GRID1: variants seen among roughly 807,000 people sequenced by gnomAD.
The protein encoded by GRID1 is glutamate ionotropic receptor delta type subunit 1, also known as glutamate receptor ionotropic, delta-1.
Under a neutral mutation model 98.0 loss-of-function variants are expected in GRID1, and 28 were observed. The observed-to-expected ratio is 0.29, with a 90% CI of 0.21 to 0.39. GRID1 has a LOEUF of 0.39. Among genes scored for constraint, GRID1 ranks in the 10% least tolerant of loss-of-function variants. The pLI is 1.00. For synonymous variants in GRID1, 553 were observed against 538.5 expected (o/e 1.03, Z -0.37); for missense variants, 1,111 against 1,340.5 (o/e 0.83, Z 2.67).
intron 12 of GRID1, among the ~76,000 whole-genome samples, chr10:85,721,039 A>G (rs182547342): frequency 1.1e-4 from 16 of 152,340 alleles, no homozygotes; most frequent in Admixed American, 1.0e-3. Flanking sequence ...GAAAAGATAA[A>G]AACAGATATT....
chr10:85,852,124 T>C (rs1843064294), intron 8 of GRID1, among the ~76,000 whole-genome samples: 1 of 152,058 alleles, frequency 6.6e-6, no homozygotes, highest in South Asian at 2.1e-4. Flanking sequence ...TAAATCCCAC[T>C]CCCTGCTTTC....
chr10:85,705,758 C>T lies in GRID1; in HGVS notation c.1997+17245G>A, dbSNP rs149874199. ...GCAGCACATCAAAAAGCTTACCCACCATGAGCCACCACTTGGGCTTCATCC... is the reference window on the plus strand; with the variant it reads ...GCAGCACATCAAAAAGCTTACCCACTATGAGCCACCACTTGGGCTTCATCC... On this transcript the variant is annotated intron_variant, in intron 12 of 15. Transcript: ENST00000327946. 2.3e-3 allele frequency among the ~76,000 whole-genome samples: 343 copies of T among 152,230 alleles called. 1 individual carries two copies. The highest frequency in any genetic ancestry group is 8.0e-3 in the African/African-American group (333 of 41,538).
chr10:85,748,597 A>G (rs889127089), intron 8 of GRID1, among the ~76,000 whole-genome samples: 1 of 152,216 alleles, frequency 6.6e-6, no homozygotes, highest in Admixed American at 6.5e-5. Flanking sequence ...AAGCTAATTA[A>G]CCCTTTTTAG....
intron 4 of GRID1, among the ~76,000 whole-genome samples, chr10:85,955,217 A>C (rs1842173771): frequency 6.6e-6 from 1 of 152,132 alleles, no homozygotes; most frequent in Admixed American, 6.5e-5. Flanking sequence ...ACTCAGTAGA[A>C]ACTGAGACAA....
At chr10:85,940,980 C>A (rs991012173) in intron 4 of GRID1, among the ~76,000 whole-genome samples, 2 of 152,218 alleles carry the variant, frequency 1.3e-5, no homozygotes, top group Admixed American at 1.3e-4. Flanking sequence ...AAGAACCATT[C>A]TGCTTGGGGA....
At chr10:86,045,392 T>G (rs1402774900) in intron 4 of GRID1, among the ~76,000 whole-genome samples, 3 of 152,190 alleles carry the variant, frequency 2.0e-5, no homozygotes, top group African/African-American at 7.2e-5. Flanking sequence ...AAAATGGACA[T>G]ACAATGTGTC....
intron 8 of GRID1, among the ~76,000 whole-genome samples, chr10:85,781,239 A>C (rs1440060493): frequency 2.6e-5 from 4 of 152,228 alleles, no homozygotes; most frequent in African/African-American, 9.6e-5. Flanking sequence ...TATCAAATTA[A>C]GGATAATTTT....
chr10:86,061,793 T>C lies in GRID1; in HGVS notation c.726+77026A>G, dbSNP rs535817051. Among the ~76,000 whole-genome samples, 322 of 152,292 alleles carry C rather than the reference T, an allele frequency of 2.1e-3. 1 individual carries two copies. Among genetic ancestry groups the C allele is most frequent in the Middle Eastern group, 0.01 (3 of 294 alleles). On this transcript the variant is annotated intron_variant, in intron 4 of 15. Transcript: ENST00000327946. ...CCATTCCCCAAAGGCCAGATTCACC[T>C]CTCTATGTCACGAGCCTGTTCAACC...
At chr10:86,054,086 C>A (rs74631742) in intron 4 of GRID1, among the ~76,000 whole-genome samples, 10,786 of 152,196 alleles carry the variant, frequency 0.071, 446 homozygotes, top group African/African-American at 0.11. Context: ...CTCCAAAAAG[C>A]CACTTAACTC....
intron 2 of GRID1, among the ~76,000 whole-genome samples, chr10:86,221,960 G>A (rs1846261387): frequency 6.6e-6 from 1 of 152,062 alleles, no homozygotes; most frequent in Admixed American, 6.5e-5. Context: ...GGGGTGGGAG[G>A]CAGCAGGAAC....
chr10:86,077,804 T>A (rs1443470205), intron 4 of GRID1, among the ~76,000 whole-genome samples: 1 of 152,000 alleles, frequency 6.6e-6, no homozygotes, highest in Non-Finnish European at 1.5e-5. Flanking sequence ...AAATCATGGA[T>A]GGGAAAAAAA....
chr10:85,664,898 T>G (rs543476866), intron 12 of GRID1, among the ~76,000 whole-genome samples: 1 of 152,252 alleles, frequency 6.6e-6, no homozygotes, highest in East Asian at 1.9e-4. Flanking sequence ...TCATAAGCAA[T>G]CAGAACTTAA....
intron 8 of GRID1, among the ~76,000 whole-genome samples, chr10:85,739,592 A>C (rs1449053544): frequency 1.3e-5 from 2 of 152,062 alleles, no homozygotes; most frequent in Non-Finnish European, 2.9e-5. Context: ...CTCAACTCAA[A>C]ACAAAACAAA....
At chr10:85,698,873 T>C (rs148547497) in intron 12 of GRID1, among the ~76,000 whole-genome samples, 90 of 152,318 alleles carry the variant, frequency 5.9e-4, no homozygotes, top group African/African-American at 2.1e-3. Context: ...TCCACTGTTG[T>C]TTTAATTTGC....
chr10:86,218,500 G>A (rs1846207876), intron 2 of GRID1, among the ~76,000 whole-genome samples: 2 of 152,140 alleles, frequency 1.3e-5, no homozygotes, highest in Non-Finnish European at 1.5e-5. Context: ...CCAGCTCCAA[G>A]GCCTTGCACT....
chr10:85,735,428 A>G lies in GRID1; in HGVS notation c.1234-5814T>C, dbSNP rs117288014. Among the ~76,000 whole-genome samples, 1,361 of 152,294 alleles carry G rather than the reference A, an allele frequency of 8.9e-3. 6 individuals are homozygous for G. Among genetic ancestry groups the G allele is most frequent in the Middle Eastern group, 0.044 (13 of 294 alleles). ...ATCTGATTATGACAAACAACTGTGC[A>G]AGAGATCAGCCAATTGGAGAATATA... is the stretch of plus-strand genomic sequence containing the variant. On this transcript the variant is annotated intron_variant, in intron 8 of 15. Coordinates refer to ENST00000327946, the MANE Select transcript of GRID1 (RefSeq NM_017551.3).
intron 3 of GRID1, among the ~76,000 whole-genome samples, chr10:86,202,260 C>CA (rs1845964628): frequency 6.6e-6 from 1 of 152,252 alleles, no homozygotes; most frequent in South Asian, 2.1e-4. Flanking sequence ...TCTGTGTCTT[C>CA]ACTGAAAATG....
chr10:85,989,709 C>A (rs554311715), intron 4 of GRID1, among the ~76,000 whole-genome samples: 24 of 152,264 alleles, frequency 1.6e-4, no homozygotes, highest in Admixed American at 3.3e-4. Flanking sequence ...TTGTCTTCCA[C>A]GAAATCTGTC....
At chr10:85,605,128 T>C (rs1428896694) in intron 15 of GRID1, among the ~76,000 whole-genome samples, 1 of 152,232 alleles carries the variant, frequency 6.6e-6, no homozygotes, top group Non-Finnish European at 1.5e-5. Flanking sequence ...AGACAAGCCC[T>C]GACTCTTGCC....
Sources: allele counts gnomAD v4.1 joint callset (sites outside exome capture counted in the v4.1 genomes callset), GRCh38; gene constraint gnomAD v4.1.1; transcripts MANE v1.5; gene names NCBI Gene and HGNC (gene_info 2026-07-23, HGNC 2026-07-21).